MICU1: variants seen among roughly 807,000 people sequenced by gnomAD.
MICU1 encodes calcium uptake protein 1, mitochondrial.
A neutral mutation model predicts 56.8 loss-of-function variants in MICU1; 45 were observed. The observed-to-expected ratio is 0.79, with a 90% CI of 0.62 to 1.02. The LOEUF (loss-of-function observed/expected upper bound fraction) is 1.02. MICU1 is among the 50% of genes least tolerant of loss of function. The probability of loss-of-function intolerance (pLI) is 0.00; values close to 1 mark genes in which losing one functional copy is unlikely to be tolerated. For synonymous variants in MICU1, 186 were observed against 195.1 expected (o/e 0.95, Z 0.39); for missense variants, 504 against 587.1 (o/e 0.86, Z 1.46).
intron 5 of MICU1, among the ~76,000 whole-genome samples, chr10:72,525,352 T>C (rs529127560): frequency 9.2e-5 from 14 of 152,356 alleles, no homozygotes; most frequent in Middle Eastern, 3.4e-3. Flanking sequence ...CTGAATAGCA[T>C]TGTAAAATTT....
intron 6 of MICU1, among the ~76,000 whole-genome samples, chr10:72,487,842 CT>C (rs1866524337): frequency 6.6e-6 from 1 of 152,148 alleles, no homozygotes; most frequent in South Asian, 2.1e-4. Flanking sequence ...CTCCTTCTGA[CT>C]TCTTTTTGTT....
chr10:72,604,082 CAT>C (rs1841620408), intron 1 of MICU1, among the ~76,000 whole-genome samples: 1 of 152,116 alleles, frequency 6.6e-6, no homozygotes, highest in African/African-American at 2.4e-5. Flanking sequence ...CACACACACA[CAT>C]CTGCTAACGG....
chr10:72,597,214 G>C (rs985919892), intron 1 of MICU1, among the ~76,000 whole-genome samples: 1 of 152,208 alleles, frequency 6.6e-6, no homozygotes, highest in Non-Finnish European at 1.5e-5. Context: ...CATATTCCTT[G>C]AGGAATACTC....
intron 1 of MICU1, among the ~76,000 whole-genome samples, chr10:72,570,156 G>A (rs1840571966): frequency 6.6e-6 from 1 of 152,076 alleles, no homozygotes; most frequent in Admixed American, 6.6e-5. Flanking sequence ...TATTGGCCAG[G>A]CTGGTCTCGA....
At chr10:72,429,931 G>A (rs1864471703) in intron 8 of MICU1, among the ~76,000 whole-genome samples, 1 of 152,126 alleles carries the variant, frequency 6.6e-6, no homozygotes, top group South Asian at 2.1e-4. Flanking sequence ...CAGTTAATGT[G>A]GAGAGAAATT....
At chr10:72,493,312 T>C (rs1866730263) in intron 6 of MICU1, among the ~76,000 whole-genome samples, 2 of 152,212 alleles carry the variant, frequency 1.3e-5, no homozygotes. Flanking sequence ...TGCTAATAAA[T>C]CTCTGCATTA....
intron 1 of MICU1, among the ~76,000 whole-genome samples, chr10:72,607,390 C>T (rs1841720080): frequency 6.7e-6 from 1 of 149,970 alleles, no homozygotes; most frequent in Non-Finnish European, 1.5e-5. Context: ...CCTGTAATCC[C>T]ACCACTTGGG....
rs373598145 is a variant in MICU1 at position 72,455,814 on chromosome 10, G to GA, written c.933+19285dup. The stretch of plus-strand genomic sequence containing the variant: ...AATAGGGACTAAACCTCTATATCCT[G>GA]AAAAAAAAAAAGCAATCCTAGGAGC... On this transcript the variant is annotated intron_variant, in intron 8 of 11. Transcript: ENST00000361114. Among the ~76,000 whole-genome samples, 766 of 143,442 alleles carry GA rather than the reference G, an allele frequency of 5.3e-3. 7 individuals are homozygous for GA. The highest frequency in any genetic ancestry group is 0.016 in the African/African-American group (646 of 39,364). 94.1% of individuals were successfully genotyped at this position (143,442 alleles called of 152,430 possible).
At chr10:72,529,810 A>T (rs1446404905) in intron 5 of MICU1, among the ~76,000 whole-genome samples, 2 of 152,236 alleles carry the variant, frequency 1.3e-5, no homozygotes, top group East Asian at 1.9e-4. Flanking sequence ...TTATATGCCA[A>T]CTAGATGGTA....
intron 11 of MICU1, among the ~76,000 whole-genome samples, chr10:72,370,630 G>A (rs7893285): frequency 0.027 from 4,115 of 152,268 alleles, 87 homozygotes; most frequent in Non-Finnish European, 0.045. Context: ...GTGACTGGAG[G>A]TACCAAGTAG....
intron 4 of MICU1, among the ~76,000 whole-genome samples, chr10:72,536,761 G>T (rs1030284112): frequency 6.6e-6 from 1 of 152,130 alleles, no homozygotes; most frequent in Non-Finnish European, 1.5e-5. Context: ...GTAATCAAGA[G>T]AAAATATTAA....
At chr10:72,608,550 G>A (rs977675440) in intron 1 of MICU1, among the ~76,000 whole-genome samples, 1 of 152,196 alleles carries the variant, frequency 6.6e-6, no homozygotes, top group South Asian at 2.1e-4. Flanking sequence ...CCATAATGAG[G>A]TACTATTCAC....
chr10:72,379,322 A>G (rs1365383938), intron 10 of MICU1: 2 of 165,758 alleles, frequency 1.2e-5, no homozygotes, highest in Non-Finnish European at 2.6e-5. Flanking sequence ...AGGAACTGGA[A>G]GCGCTTAAAC....
At chr10:72,475,396 A>C in intron 7 of MICU1, 99 bp from the exon 8 acceptor site, 1 of 1,120,030 alleles carries the variant, frequency 8.9e-7, no homozygotes, top group East Asian at 2.6e-5. Flanking sequence ...CTATTTGCCT[A>C]CTCTGTATTA....
intron 9 of MICU1, among the ~76,000 whole-genome samples, chr10:72,421,333 G>A (rs923715490): frequency 2.6e-5 from 4 of 151,382 alleles, no homozygotes; most frequent in African/African-American, 4.9e-5. Flanking sequence ...TTGGTTCACT[G>A]CAACCTCCGC....
chr10:72,468,807 G>C (rs576566717), intron 8 of MICU1, among the ~76,000 whole-genome samples: 1 of 152,218 alleles, frequency 6.6e-6, no homozygotes, highest in South Asian at 2.1e-4. Context: ...TTCTGAAGAA[G>C]GTAGACTGTA....
intron 1 of MICU1, among the ~76,000 whole-genome samples, chr10:72,578,536 A>G (rs977522994): frequency 6.6e-6 from 1 of 151,188 alleles, no homozygotes; most frequent in African/African-American, 2.4e-5. Context: ...AAGTACTGAG[A>G]TTACAGGTGT....
intron 1 of MICU1, among the ~76,000 whole-genome samples, chr10:72,572,491 T>C (rs980464924): frequency 5.3e-5 from 8 of 152,074 alleles, no homozygotes; most frequent in African/African-American, 1.9e-4. Context: ...TTAATAACTG[T>C]TCTCAGCAGA....
chr10:72,418,948 C>T (rs565935641), intron 9 of MICU1, among the ~76,000 whole-genome samples: 92 of 152,226 alleles, frequency 6.0e-4, no homozygotes, highest in Middle Eastern at 6.8e-3. Context: ...AAATTCTGGG[C>T]CAAAAGTAAT....
Sources: allele counts gnomAD v4.1 joint callset (sites outside exome capture counted in the v4.1 genomes callset), GRCh38; gene constraint gnomAD v4.1.1; transcripts MANE v1.5; gene names NCBI Gene and HGNC (gene_info 2026-07-23, HGNC 2026-07-21).